NEB: variants seen among roughly 807,000 people sequenced by gnomAD.
NEB encodes the protein nebulin.
A neutral mutation model predicts 952.2 loss-of-function variants in NEB; 512 were observed. The observed-to-expected ratio is 0.54, with a 90% CI of 0.50 to 0.58. NEB has a LOEUF of 0.58. Among genes scored for constraint, NEB ranks in the 20% least tolerant of loss-of-function variants. The pLI is 0.00. For synonymous variants in NEB, 2,900 were observed against 3,149.8 expected, an observed-to-expected ratio of 0.92 and a Z score of 2.66; for missense variants, 8,428 against 9,231.1, an observed-to-expected ratio of 0.91 and a Z score of 3.56.
Position 151,614,292 on chromosome 2 carries a change from T to G in NEB, c.11585A>C (p.Tyr3862Ser). The G allele has an allele frequency of 6.2e-7, 1 of 1,613,818 alleles. No homozygotes were observed. Among genetic ancestry groups the G allele is most frequent in the Non-Finnish European group, 8.5e-7 (1 of 1,179,736 alleles). ...GCCACTCACATCACTCTGCAGGTCA[T>G]AGGCCTTCCGAGCCTGAATGACGTC... ...QNDVIQARKAYDLQSDAIYKS... is the reference protein window; with the variant it reads ...QNDVIQARKASDLQSDAIYKS... Residue 3862 changes from tyrosine (Y) to serine (S), a missense_variant, in exon 77 of 182, where the codon TAT (tyrosine) becomes TCT (serine). Physicochemically the swap from Tyr to Ser is moderately radical, Grantham distance 144. Transcript: ENST00000397345.
At chr2:151,667,091 T>C (rs1487399660) in intron 40 of NEB, among the ~76,000 whole-genome samples, 1 of 152,000 alleles carries the variant, frequency 6.6e-6, no homozygotes, top group Non-Finnish European at 1.5e-5. Context: ...AATCCTGTTA[T>C]ATAATCCATG....
At chr2:151,609,017 A>G (rs1421657707) in intron 81 of NEB, among the ~76,000 whole-genome samples, 2 of 142,824 alleles carry the variant, frequency 1.4e-5, no homozygotes, top group East Asian at 4.0e-4. Context: ...AACTCTGAGT[A>G]CATGCAACGG....
In NEB at chr2:151,725,440, C is replaced by T. The variant is rs752141396; in HGVS notation, c.402+13G>A. 20 of 1,600,244 alleles carry T rather than the reference C, an allele frequency of 1.2e-5. No individual in the cohort carries two copies. Among genetic ancestry groups the T allele is most frequent in the Non-Finnish European group, 1.7e-5 (20 of 1,169,328 alleles). The stretch of plus-strand genomic sequence containing the variant: ...GAAATGTCCCTCTCCTTTATTTCAG[C>T]AATGCAGCCCACCTCACTGAGTTGA... On this transcript the variant is annotated intron_variant, in intron 6 of 181. Transcript: ENST00000397345.
At position 151,667,940 on chromosome 2, in the gene NEB, T is replaced by C. The variant is rs147771348; in HGVS notation, c.4612-29A>G. On this transcript the variant is annotated intron_variant, in intron 39 of 181. Coordinates refer to ENST00000397345, the MANE Select transcript of NEB (RefSeq NM_001164508.2). ...CAAAAAAGTAGAGGTTATTTTATTATTTGACATCATTAAAAGAGGAATGAA... is the reference window on the plus strand; with the variant it reads ...CAAAAAAGTAGAGGTTATTTTATTACTTGACATCATTAAAAGAGGAATGAA... The C allele has an allele frequency of 4.5e-5, 70 of 1,546,758 alleles. No homozygotes were observed. In the African/African-American group the frequency reaches 8.6e-4, roughly 19 times the overall value.
At chr2:151,610,146 G>A in intron 80 of NEB, 26 bp from the exon 81 acceptor site, 1 of 1,568,800 alleles carries the variant, frequency 6.4e-7, no homozygotes, top group Non-Finnish European at 8.7e-7. Context: ...TACAGGTGGA[G>A]ACATCCAGTT....
At chr2:151,578,705 GGGAAGGAAGGAAGGAAGGAGGGAAGGAA>G (rs1368340188) in intron 105 of NEB, among the ~76,000 whole-genome samples, 153 of 144,540 alleles carry the variant, frequency 1.1e-3, no homozygotes, top group African/African-American at 3.5e-3. Flanking sequence ...GAGAGAAGGA[GGGAAGGAAGGAAGGAAGGAGGGAAGGAA>G]GGAAGGAAGG....
At chr2:151,568,819 T>C (rs1470762659) in intron 110 of NEB, 103 bp from the exon 111 acceptor site, 1 of 808,814 alleles carries the variant, frequency 1.2e-6, no homozygotes, top group Non-Finnish European at 1.9e-6. Flanking sequence ...AAACATACAG[T>C]GCCGTATTTG....
At chr2:151,616,152 A>C (rs1416755136) in intron 75 of NEB, 43 bp from the exon 76 acceptor site, 2 of 1,319,544 alleles carry the variant, frequency 1.5e-6, no homozygotes, top group Non-Finnish European at 2.2e-6. Flanking sequence ...CTTCCATAAA[A>C]AGTGAAGCTG....
At chr2:151,643,071 T>C in intron 58 of NEB, 79 bp downstream of exon 58, 1 of 1,439,036 alleles carries the variant, frequency 6.9e-7, no homozygotes, top group Non-Finnish European at 9.6e-7. Context: ...AAAAACAAGT[T>C]TTCTTTTATA....
At chr2:151,503,205 C>T in intron 166 of NEB, 144 bp downstream of exon 166, 1 of 632,602 alleles carries the variant, frequency 1.6e-6, no homozygotes, top group South Asian at 2.0e-5. Context: ...TTTGTATTAA[C>T]ATAATTTTGG....
intron 10 of NEB, among the ~76,000 whole-genome samples, chr2:151,713,223 T>A (rs989562096): frequency 6.6e-6 from 1 of 152,210 alleles, no homozygotes; most frequent in African/African-American, 2.4e-5. Flanking sequence ...AATTTTTATG[T>A]GGTTACCAAA....
intron 71 of NEB, among the ~76,000 whole-genome samples, chr2:151,624,520 C>T (rs965556332): frequency 1.3e-5 from 2 of 152,062 alleles, no homozygotes; most frequent in Non-Finnish European, 2.9e-5. Flanking sequence ...AAGCCAAGGC[C>T]AATCAAATAT....
chr2:151,724,266 G>A lies in NEB; in HGVS notation c.606C>T (p.Phe202=), dbSNP rs1426246334. 6.2e-6 allele frequency: 10 copies of A among 1,611,956 alleles called. No homozygotes were observed. Among genetic ancestry groups the A allele is most frequent in the Non-Finnish European group, 8.5e-6 (10 of 1,178,840 alleles). Residue 202 remains phenylalanine (F), a synonymous_variant, in exon 8 of 182, where the codon TTC becomes TTT. Transcript: ENST00000397345. ...CAATGGAGCAGACCCTTACCTTGCTGAACATGGCGGTGTTCTTAACGGCCT... is the reference window on the plus strand; with the variant it reads ...CAATGGAGCAGACCCTTACCTTGCTAAACATGGCGGTGTTCTTAACGGCCT... The part of the protein sequence containing the change: ...LVQAVKNTAM[F]SKKLYTEDWE...
chr2:151,497,442 G>GTATT (rs1289623731), intron 171 of NEB, 184 bp downstream of exon 171: 1 of 980,746 alleles, frequency 1.0e-6, no homozygotes, highest in African/African-American at 1.8e-5. Context: ...GAAATTAACT[G>GTATT]TATTATAGAA....
In NEB at chr2:151,646,167, A is replaced by G. The variant is rs1389139743; in HGVS notation, c.7499T>C (p.Ile2500Thr). Residue 2500 changes from isoleucine to threonine, a missense_variant, in exon 55 of 182, where the codon ATT (isoleucine) becomes ACT (threonine). By Grantham distance (89) the Ile-to-Thr change is moderately conservative. Around this residue, in one of 11 missense-constraint regions of NEB, gnomAD observed 1,772 missense variants for 1,960.3 expected, o/e 0.90. Transcript: ENST00000397345. ...QIHIMPDTPD[I>T]VLAKANLINT... ...GATTAAGTTTGCTTTAGCCAGAACA[A>G]TGTCAGGTGTATCAGGCATGATGTG... 3 of 1,604,228 alleles carry G rather than the reference A, an allele frequency of 1.9e-6. No homozygotes were observed. The highest frequency in any genetic ancestry group is 2.2e-5 in the East Asian group (1 of 44,640).
chr2:151,486,230 C>A, intron 181 of NEB: 1 of 281,198 alleles, frequency 3.6e-6, no homozygotes, highest in Non-Finnish European at 6.7e-6. Context: ...AGACAAATAG[C>A]CAAAAAGCAC....
chr2:151,526,629 G>A (rs1022242898), intron 148 of NEB, among the ~76,000 whole-genome samples: 9 of 152,160 alleles, frequency 5.9e-5, no homozygotes, highest in African/African-American at 1.2e-4. Flanking sequence ...AAATCATGGC[G>A]TTTCCATAAA....
At chr2:151,691,454 T>C (rs1163152846) in intron 23 of NEB, among the ~76,000 whole-genome samples, 1 of 152,202 alleles carries the variant, frequency 6.6e-6, no homozygotes. Context: ...CTGTGCTCCT[T>C]CCTTTGTTTA....
At position 151,497,812 on chromosome 2, in the gene NEB, G is replaced by A. The variant is rs899521977; in HGVS notation, c.24208-94C>T. On this transcript the variant is annotated intron_variant, in intron 170 of 181. Transcript: ENST00000397345. ...ATGAGGAAAAAACACAGTCATCCAA[G>A]GAGCCAGAAGTTATATGCTGACAAA... 30 of 1,533,324 alleles carry A rather than the reference G, an allele frequency of 2.0e-5. No individual in the cohort carries two copies. The Admixed American group carries it at 6.1e-4, about 31-fold the overall frequency. The allele number at this position is 1,533,324 out of a possible 1,614,324, so 95.0% of individuals were successfully genotyped here.
Sources: allele counts gnomAD v4.1 joint callset (sites outside exome capture counted in the v4.1 genomes callset), GRCh38; gene constraint gnomAD v4.1.1; regional missense constraint gnomAD v4.1.1; transcripts MANE v1.5; gene names NCBI Gene and HGNC (gene_info 2026-07-23, HGNC 2026-07-21).